EXOC6: variants seen among roughly 807,000 people sequenced by gnomAD.
EXOC6 encodes exocyst complex component 6.
Under a neutral mutation model 112.5 loss-of-function variants are expected in EXOC6, and 60 were observed. The ratio of observed to expected loss-of-function variants is 0.53; its 90% CI spans 0.43 to 0.66. EXOC6 has a LOEUF of 0.66. EXOC6 is among the 30% of genes least tolerant of loss of function. The probability of loss-of-function intolerance (pLI) is 0.00; values close to 1 mark genes in which losing one functional copy is unlikely to be tolerated. For missense variants in EXOC6, 855 were observed against 957.1 expected (o/e 0.89, Z 1.41); for synonymous variants, 295 against 308.0 (o/e 0.96, Z 0.44).
rs777601465 is a variant in EXOC6, at chr10:93,051,337, T to A, written c.2170-5587T>A. ...AGTGCTCAGAACTCACTCCTAGTCC[T>A]CACAGAGGTGGGAGTGAAAGGATTG... On this transcript the variant is annotated intron_variant, in intron 20 of 21. Coordinates refer to ENST00000260762, the MANE Select transcript of EXOC6 (RefSeq NM_019053.6). Among the ~76,000 whole-genome samples, 13 of 152,226 alleles carry A rather than the reference T, an allele frequency of 8.5e-5. 1 individual carries two copies. Among genetic ancestry groups the A allele is most frequent in the Non-Finnish European group, 1.8e-4 (12 of 68,048 alleles).
intron 1 of EXOC6, among the ~76,000 whole-genome samples, chr10:92,880,791 G>T (rs1848924933): frequency 6.6e-6 from 1 of 151,926 alleles, no homozygotes; most frequent in Admixed American, 6.6e-5. Flanking sequence ...GGAGGGGGAA[G>T]GGCATCCAGG....
chr10:92,848,135 T>C (rs1364415375), upstream of EXOC6, among the ~76,000 whole-genome samples: 1 of 152,162 alleles, frequency 6.6e-6, no homozygotes, highest in Non-Finnish European at 1.5e-5. Flanking sequence ...GTGGCTCTTA[T>C]TACAGATTCA....
At chr10:93,003,227 A>G (rs972120983) in intron 19 of EXOC6, among the ~76,000 whole-genome samples, 1 of 152,160 alleles carries the variant, frequency 6.6e-6, no homozygotes, top group African/African-American at 2.4e-5. Context: ...TCATACATGT[A>G]TTTCCTCAGC....
chr10:92,902,948 AT>A (rs1383072742), intron 5 of EXOC6, among the ~76,000 whole-genome samples: 2 of 151,988 alleles, frequency 1.3e-5, no homozygotes, highest in African/African-American at 4.8e-5. Flanking sequence ...ATTAGTTGCT[AT>A]TTGGGTGGTT....
chr10:93,035,123 G>C (rs769348573), intron 20 of EXOC6, among the ~76,000 whole-genome samples: 2 of 152,214 alleles, frequency 1.3e-5, no homozygotes, highest in African/African-American at 2.4e-5. Flanking sequence ...CCAGATATTA[G>C]AAAAGTATGC....
intron 20 of EXOC6, among the ~76,000 whole-genome samples, chr10:93,050,866 T>C (rs775416835): frequency 2.0e-5 from 3 of 151,114 alleles, no homozygotes; most frequent in Non-Finnish European, 4.4e-5. Context: ...AGCGAGACTC[T>C]GTCTCAAAAC....
intron 4 of EXOC6, among the ~76,000 whole-genome samples, 200 bp from the exon 5 acceptor site, chr10:92,899,397 AAT>A (rs1850030731): frequency 6.6e-6 from 1 of 152,132 alleles, no homozygotes; most frequent in African/African-American, 2.4e-5. Context: ...GTGTGTATAT[AAT>A]AAAATGTTCA....
chr10:92,911,149 T>C (rs933169886), intron 6 of EXOC6, among the ~76,000 whole-genome samples: 3 of 152,178 alleles, frequency 2.0e-5, no homozygotes, highest in Admixed American at 6.5e-5. Flanking sequence ...AAAACAATGC[T>C]CAACACTATT....
chr10:92,944,155 C>T (rs541810485), intron 13 of EXOC6, among the ~76,000 whole-genome samples: 24 of 151,984 alleles, frequency 1.6e-4, no homozygotes, highest in Non-Finnish European at 2.8e-4. Context: ...AGGTCGATTC[C>T]GTATTTTGGC....
chr10:92,998,806 T>A (rs1337927273), intron 19 of EXOC6, among the ~76,000 whole-genome samples: 1 of 152,196 alleles, frequency 6.6e-6, no homozygotes, highest in African/African-American at 2.4e-5. Flanking sequence ...TTTCTCTAAT[T>A]AGAAAACCTT....
chr10:93,044,226 T>C (rs1305051365), intron 20 of EXOC6, among the ~76,000 whole-genome samples: 1 of 152,212 alleles, frequency 6.6e-6, no homozygotes, highest in African/African-American at 2.4e-5. Context: ...GCGCAAATTA[T>C]TATACGTGAC....
chr10:92,841,385 G>A (rs1160156380), intron 1 of EXOC6, among the ~76,000 whole-genome samples: 2 of 152,090 alleles, frequency 1.3e-5, no homozygotes, highest in South Asian at 2.1e-4. Flanking sequence ...AGGGGAGAGA[G>A]GTGTCAATTT....
chr10:92,936,820 C>T (rs994350519), intron 12 of EXOC6, among the ~76,000 whole-genome samples: 2 of 152,098 alleles, frequency 1.3e-5, no homozygotes, highest in Non-Finnish European at 2.9e-5. Flanking sequence ...TATTCTCTCC[C>T]TCCTCGATAT....
rs144099285 is a variant in EXOC6 at position 92,865,505 on chromosome 10, C to A, written c.101+16871C>A. ...TGAGCCAAGATTGCGCCACTGCACT[C>A]CAGCCTGGGCGACAGAGGGAGACGC... On this transcript the variant is annotated intron_variant, in intron 1 of 21. Coordinates refer to ENST00000260762, the MANE Select transcript of EXOC6 (RefSeq NM_019053.6). Among the ~76,000 whole-genome samples, 349 of 152,196 alleles carry A rather than the reference C, an allele frequency of 2.3e-3. 1 individual carries two copies. The highest frequency in any genetic ancestry group is 7.7e-3 in the African/African-American group (322 of 41,572).
intron 1 of EXOC6, among the ~76,000 whole-genome samples, chr10:92,860,445 G>A (rs1287111268): frequency 2.0e-5 from 3 of 151,964 alleles, no homozygotes; most frequent in Admixed American, 1.3e-4. Flanking sequence ...TGTATTTTTA[G>A]TAGAGACGGG....
chr10:93,034,782 C>CTTTTGCTTTA (rs1250437106), intron 20 of EXOC6, among the ~76,000 whole-genome samples: 1 of 152,176 alleles, frequency 6.6e-6, no homozygotes, highest in African/African-American at 2.4e-5. Flanking sequence ...AACAAATCTT[C>CTTTTGCTTTA]TTTTGTTTGC....
intron 4 of EXOC6, among the ~76,000 whole-genome samples, 200 bp downstream of exon 4, chr10:92,895,220 A>G (rs1030859129): frequency 5.9e-5 from 9 of 152,182 alleles, no homozygotes; most frequent in African/African-American, 1.9e-4. Context: ...GTTTGATTAT[A>G]TGTCACATCA....
intron 18 of EXOC6, among the ~76,000 whole-genome samples, chr10:92,975,005 G>A (rs1842455712): frequency 6.6e-6 from 1 of 152,120 alleles, no homozygotes; most frequent in Admixed American, 6.5e-5. Flanking sequence ...GGGAAGTGAG[G>A]AGCGTCTCTG....
chr10:92,968,692 T>A (rs557812227), intron 17 of EXOC6, among the ~76,000 whole-genome samples: 1 of 152,322 alleles, frequency 6.6e-6, no homozygotes, highest in Non-Finnish European at 1.5e-5. Context: ...GAAAACTAAT[T>A]TGTTTTAGCC....
Sources: gnomAD v4.1 joint callset for allele counts (sites outside exome capture counted in the v4.1 genomes callset) on GRCh38, gnomAD v4.1.1 for gene constraint, MANE v1.5 for transcripts, NCBI Gene and HGNC (gene_info 2026-07-23, HGNC 2026-07-21) for gene names.